Variants in RREB1 observed in about 807,000 individuals in gnomAD.
RREB1 encodes the protein ras-responsive element-binding protein 1.
In RREB1, 27 loss-of-function variants were observed where a neutral mutation model predicts 117.8. The ratio of observed to expected loss-of-function variants is 0.23; its 90% CI spans 0.17 to 0.32. The LOEUF (loss-of-function observed/expected upper bound fraction) is 0.32. Ranked by LOEUF, RREB1 falls within the 10% of genes least tolerant of loss-of-function variation. The pLI, the probability that RREB1 is intolerant of heterozygous loss-of-function variation, is 1.00. For synonymous variants in RREB1, 1,298 were observed against 1,026.7 expected (o/e 1.26, Z -5.05); for missense variants, 2,577 against 2,378.2 (o/e 1.08, Z -1.74).
In RREB1 at chr6:7,243,894, A is replaced by G. The variant is rs77214921; in HGVS notation, c.3974-2530A>G. 1.5e-4 allele frequency among the ~76,000 whole-genome samples: 20 copies of G among 130,364 alleles called. 1 individual carries two copies. Among genetic ancestry groups the G allele is most frequent in the South Asian group, 6.5e-4 (3 of 4,608 alleles). 85.5% of individuals were successfully genotyped at this position (130,364 alleles called of 152,430 possible). On this transcript the variant is annotated intron_variant, in intron 11 of 12. Transcript: ENST00000379938. ...TTAAAATAATGCATGTTCTTTGCTG[A>G]AAAAAAAAAAATAGAAGTGTAGTCT...
intron 1 of RREB1, among the ~76,000 whole-genome samples, chr6:7,124,841 A>T (rs1196646921): frequency 6.6e-6 from 1 of 152,210 alleles, no homozygotes; most frequent in Admixed American, 6.5e-5. Context: ...CAGATGAGGA[A>T]ATTGAGACCC....
intron 1 of RREB1, among the ~76,000 whole-genome samples, chr6:7,121,478 G>A (rs569940653): frequency 2.0e-5 from 3 of 152,066 alleles, no homozygotes; most frequent in Admixed American, 6.6e-5. Flanking sequence ...GTGGTCACCC[G>A]ATGCCCTTAA....
At chr6:7,117,398 T>TTG (rs1761455704) in intron 1 of RREB1, among the ~76,000 whole-genome samples, 1 of 29,438 alleles carries the variant, frequency 3.4e-5, no homozygotes, top group Non-Finnish European at 1.5e-4. Context: ...GTTTTTTTTT[T>TTG]TTTTTTTTTT....
At chr6:7,226,709 C>A in intron 9 of RREB1, 53 bp downstream of exon 9, 1 of 1,359,148 alleles carries the variant, frequency 7.4e-7, no homozygotes, top group Non-Finnish European at 1.0e-6. Context: ...ATGGTCCACA[C>A]AGTTAGACCA....
chr6:7,170,268 T>C (rs754645907), intron 1 of RREB1, among the ~76,000 whole-genome samples: 8 of 152,206 alleles, frequency 5.3e-5, no homozygotes, highest in Middle Eastern at 3.2e-3. Context: ...CATTAAGAGA[T>C]AAACTGTAGT....
rs1281004206 is a variant in RREB1, at chr6:7,114,896, C to T, written c.-285+6836C>T. On this transcript the variant is annotated intron_variant, in intron 1 of 12. Transcript: ENST00000379938. Reference sequence around the variant, plus strand: ...TGTGAAGCTGTTGTGGTCGATGGCTCAGCTTTCCCAGTCACCTCTTCAGTT... The same window carrying T: ...TGTGAAGCTGTTGTGGTCGATGGCTTAGCTTTCCCAGTCACCTCTTCAGTT... Among the ~76,000 whole-genome samples, 2 of 152,118 alleles carry T rather than the reference C, an allele frequency of 1.3e-5. 1 individual carries two copies. Among genetic ancestry groups the T allele is most frequent in the Non-Finnish European group, 2.9e-5 (2 of 68,026 alleles).
chr6:7,141,751 GAC>G (rs912131420), intron 1 of RREB1, among the ~76,000 whole-genome samples: 1 of 152,244 alleles, frequency 6.6e-6, no homozygotes, highest in Non-Finnish European at 1.5e-5. Flanking sequence ...GAGGGGTGCA[GAC>G]ACTTGCCTGC....
intron 1 of RREB1, among the ~76,000 whole-genome samples, chr6:7,162,290 G>T (rs1259309717): frequency 6.6e-6 from 1 of 151,770 alleles, no homozygotes; most frequent in Non-Finnish European, 1.5e-5. Flanking sequence ...AAAAAAGAAT[G>T]AATTCAGCAT....
At chr6:7,130,876 A>G (rs553861043) in intron 1 of RREB1, among the ~76,000 whole-genome samples, 1 of 150,800 alleles carries the variant, frequency 6.6e-6, no homozygotes, top group East Asian at 2.0e-4. Context: ...TGGCCTCCCA[A>G]AGTGTTGGGA....
rs572813406 is a variant in RREB1 at position 7,205,279 on chromosome 6, C to T, written c.426-5525C>T. 5.3e-5 allele frequency among the ~76,000 whole-genome samples: 8 copies of T among 152,270 alleles called. No individual in the cohort carries two copies. In the East Asian group the frequency reaches 1.5e-3, roughly 29 times the overall value. On this transcript the variant is annotated intron_variant, in intron 6 of 12. Transcript: ENST00000379938. ...CGGGGGTTTTTATTTGCATGAAGCT[C>T]CCAGGTGGTGCCCATGCTGCTGGTC... is the stretch of plus-strand genomic sequence containing the variant.
chr6:7,243,395 T>C (rs1768827365), intron 11 of RREB1, among the ~76,000 whole-genome samples: 1 of 152,194 alleles, frequency 6.6e-6, no homozygotes, highest in African/African-American at 2.4e-5. Flanking sequence ...TTCTTAGTTG[T>C]TGAACAACAC....
intron 8 of RREB1, among the ~76,000 whole-genome samples, chr6:7,221,706 C>T (rs972299114): frequency 1.3e-5 from 2 of 152,112 alleles, no homozygotes; most frequent in African/African-American, 2.4e-5. Flanking sequence ...TTTCAGGAGG[C>T]AGGTGAAGGG....
Position 7,230,208 on chromosome 6 carries a change from C to A in RREB1, c.2109C>A (p.Ile703=). 1 of 1,605,478 alleles carries A rather than the reference C, an allele frequency of 6.2e-7. No homozygotes were observed. The highest frequency in any genetic ancestry group is 8.5e-7 in the Non-Finnish European group (1 of 1,179,924). Reference sequence around the variant, plus strand: ...GGGAGCGGCCCTACATTTGCAAGATCTGCCACTACCCCTTCACTGTCAAAG... The same window carrying A: ...GGGAGCGGCCCTACATTTGCAAGATATGCCACTACCCCTTCACTGTCAAAG... ...HSGERPYICK[I]CHYPFTVKAN... The change falls in exon 10 of 13, where the codon ATC becomes ATA. Residue 703 remains isoleucine (I), a synonymous_variant. Transcript: ENST00000379938.
intron 6 of RREB1, among the ~76,000 whole-genome samples, chr6:7,204,331 T>C (rs1766153794): frequency 7.3e-6 from 1 of 137,008 alleles, no homozygotes; most frequent in African/African-American, 2.7e-5. Context: ...CTGTGTCTGC[T>C]CTCCATCCCC....
At chr6:7,180,242 T>C (rs1764720383) in intron 2 of RREB1, among the ~76,000 whole-genome samples, 1 of 152,224 alleles carries the variant, frequency 6.6e-6, no homozygotes, top group Non-Finnish European at 1.5e-5. Flanking sequence ...AGATTCCCTT[T>C]TGCCCTTTTG....
intron 8 of RREB1, chr6:7,215,329 G>A (rs772808106): frequency 5.3e-5 from 8 of 152,220 alleles, no homozygotes; most frequent in Non-Finnish European, 7.3e-5. Flanking sequence ...TTTTCTAGTA[G>A]CCGTTTTTTA....
At chr6:7,144,142 T>C (rs888393520) in intron 1 of RREB1, among the ~76,000 whole-genome samples, 1 of 152,114 alleles carries the variant, frequency 6.6e-6, no homozygotes, top group Non-Finnish European at 1.5e-5. Context: ...GAAAGTTTTA[T>C]TATTTCCTAA....
intron 1 of RREB1, among the ~76,000 whole-genome samples, chr6:7,154,945 G>C (rs1358087246): frequency 1.3e-5 from 2 of 152,202 alleles, no homozygotes; most frequent in African/African-American, 4.8e-5. Context: ...GGGGGTGCTG[G>C]TGACAGTGTT....
At chr6:7,197,892 A>G (rs1254617080) in intron 6 of RREB1, among the ~76,000 whole-genome samples, 2 of 152,214 alleles carry the variant, frequency 1.3e-5, no homozygotes, top group Non-Finnish European at 2.9e-5. Context: ...GACCTGCTCC[A>G]TGACAAATGA....
Sources: allele counts gnomAD v4.1 joint callset (sites outside exome capture counted in the v4.1 genomes callset), GRCh38; gene constraint gnomAD v4.1.1; transcripts MANE v1.5; gene names NCBI Gene and HGNC (gene_info 2026-07-23, HGNC 2026-07-21).